The following CIZ1 variants were observed in gnomAD, a reference collection of about 807,000 sequenced individuals.
CIZ1 encodes CDKN1A interacting zinc finger protein 1, also known as cip1-interacting zinc finger protein.
A neutral mutation model predicts 118.6 loss-of-function variants in CIZ1; 58 were observed. The ratio of observed to expected loss-of-function variants is 0.49; its 90% CI spans 0.40 to 0.61. The LOEUF is 0.61. CIZ1 is among the 20% of genes least tolerant of loss of function. The pLI, the probability that CIZ1 is intolerant of heterozygous loss-of-function variation, is 0.00. For synonymous variants in CIZ1, 448 were observed against 443.4 expected (o/e 1.01, Z -0.13); for missense variants, 921 against 1,115.9 (o/e 0.83, Z 2.49).
intron 11 of CIZ1, among the ~76,000 whole-genome samples, chr9:128,171,826 C>A (rs1472704769): frequency 1.3e-5 from 2 of 151,842 alleles, no homozygotes; most frequent in African/African-American, 2.4e-5. Context: ...ATCATTGCAA[C>A]ATATAACATC....
At chr9:128,189,945 G>C (rs907583263) in intron 3 of CIZ1, among the ~76,000 whole-genome samples, 1 of 149,806 alleles carries the variant, frequency 6.7e-6, no homozygotes, top group Non-Finnish European at 1.5e-5. Flanking sequence ...CAGGGCTAGA[G>C]ACAACCACTC....
At chr9:128,193,779 G>A (rs904523801), upstream of CIZ1, among the ~76,000 whole-genome samples, 7 of 152,198 alleles carry the variant, frequency 4.6e-5, no homozygotes, top group African/African-American at 1.7e-4. Flanking sequence ...GGGTGCTAGC[G>A]TTGGAGAGGT....
intron 11 of CIZ1, among the ~76,000 whole-genome samples, chr9:128,173,745 A>ACG (rs1171938554): frequency 1.4e-4 from 22 of 151,974 alleles, no homozygotes; most frequent in South Asian, 4.2e-4. Flanking sequence ...GGTGGCTTGC[A>ACG]CCTGTAATCC....
chr9:128,194,292 C>T (rs560271340), upstream of CIZ1, among the ~76,000 whole-genome samples: 3 of 146,904 alleles, frequency 2.0e-5, no homozygotes, highest in East Asian at 6.1e-4. Flanking sequence ...AACCTGGGAG[C>T]CGGAGGTTGC....
intron 11 of CIZ1, among the ~76,000 whole-genome samples, chr9:128,173,213 T>C (rs964767524): frequency 2.7e-5 from 4 of 148,968 alleles, no homozygotes; most frequent in Admixed American, 1.3e-4. Flanking sequence ...GGCGCGATCT[T>C]GGCTTACTGC....
Position 128,203,414 on chromosome 9 carries a change from T to A in CIZ1, c.-6+772A>T, listed in dbSNP as rs1833605924. ...CGCGGCTGCAGCGGCGGAGCCGGAGTCGGAGCCGGGAGCGCTAGCGGCAGC... is the reference window on the plus strand; with the variant it reads ...CGCGGCTGCAGCGGCGGAGCCGGAGACGGAGCCGGGAGCGCTAGCGGCAGC... On this transcript the variant is annotated intron_variant, in intron 1 of 17. Transcript: ENST00000372948. This position sits in a 1 kb window ranked among gnomAD's most constrained non-coding sequence, Gnocchi z 5.3. 10 of 1,361,348 alleles carry A rather than the reference T, an allele frequency of 7.3e-6. No individual in the cohort carries two copies. Among genetic ancestry groups the A allele is most frequent in the Non-Finnish European group, 9.5e-7 (1 of 1,054,768 alleles). The allele number at this position is 1,361,348 out of a possible 1,614,324, so 84.3% of individuals were successfully genotyped here. A position where few individuals can be genotyped will look rare whatever the true frequency, so the allele number is the denominator to read the frequency against.
chr9:128,168,447 T>C (rs565609820), intron 14 of CIZ1, among the ~76,000 whole-genome samples: 4 of 142,520 alleles, frequency 2.8e-5, no homozygotes, highest in African/African-American at 8.0e-5. Flanking sequence ...ACCCAGGAGG[T>C]GGAGGTTTCA....
intron 11 of CIZ1, among the ~76,000 whole-genome samples, chr9:128,172,166 A>C (rs1438814684): frequency 6.7e-6 from 1 of 149,840 alleles, no homozygotes; most frequent in African/African-American, 2.4e-5. Flanking sequence ...AAAAAAAAAA[A>C]AAAAAAAAAA....
At chr9:128,181,322 G>C (rs902591521) in intron 5 of CIZ1, among the ~76,000 whole-genome samples, 1 of 152,148 alleles carries the variant, frequency 6.6e-6, no homozygotes, top group Admixed American at 6.5e-5. Context: ...CACTATGTTG[G>C]CCACGCTGGT....
intron 1 of CIZ1, chr9:128,197,464 T>C (rs537167977): frequency 1.3e-5 from 2 of 152,242 alleles, no homozygotes; most frequent in African/African-American, 4.8e-5. Flanking sequence ...CATAAGACCA[T>C]ATGCTTATCA....
At chr9:128,202,463 C>T (rs1295434224) in intron 1 of CIZ1, among the ~76,000 whole-genome samples, 1 of 152,216 alleles carries the variant, frequency 6.6e-6, no homozygotes, top group African/African-American at 2.4e-5. Flanking sequence ...GGAGCAAAGA[C>T]TTCCACTCTC....
rs963396230 is a variant in CIZ1, at chr9:128,167,319, G to A, written c.2296-155C>T. 4 of 604,836 alleles carry A rather than the reference G, an allele frequency of 6.6e-6. No homozygotes were observed. The Admixed American group carries it at 9.5e-5, about 14-fold the overall frequency. The allele number at this position is 604,836 out of a possible 1,614,324, so 37.5% of individuals were successfully genotyped here. On this transcript the variant is annotated intron_variant, in intron 14 of 16. Transcript: ENST00000372938. Reference sequence around the variant, plus strand: ...TGGCATTCTCTGAGCCTTTGCACATGGTGATCCTGCCTCCCAGAGTGCTCT... The same window carrying A: ...TGGCATTCTCTGAGCCTTTGCACATAGTGATCCTGCCTCCCAGAGTGCTCT...
chr9:128,177,927 A>T (rs999827201), intron 9 of CIZ1, among the ~76,000 whole-genome samples, 164 bp from the exon 10 acceptor site: 1 of 152,212 alleles, frequency 6.6e-6, no homozygotes, highest in Non-Finnish European at 1.5e-5. Context: ...GCTAGAAAGC[A>T]CTGCAGTCAG....
In CIZ1 at chr9:128,166,441, C is replaced by T. The variant is rs370138543; in HGVS notation, c.2488-35G>A. Reference sequence around the variant, plus strand: ...GAAGGTGCAGGTAAGGTCAGGGTCTCCTCCCTACATGGTATGCTCCTGGCC... The same window carrying T: ...GAAGGTGCAGGTAAGGTCAGGGTCTTCTCCCTACATGGTATGCTCCTGGCC... On this transcript the variant is annotated intron_variant, in intron 16 of 16. Transcript: ENST00000372938. The surrounding 1 kb of genome is among the most constrained non-coding windows in gnomAD (Gnocchi z 4.4). 3.6e-5 allele frequency: 53 copies of T among 1,452,266 alleles called. No homozygotes were observed. The highest frequency in any genetic ancestry group is 4.7e-5 in the Non-Finnish European group (51 of 1,076,148). 90.0% of individuals were successfully genotyped at this position (1,452,266 alleles called of 1,614,324 possible).
At chr9:128,182,392 C>T (rs1475642025) in intron 5 of CIZ1, among the ~76,000 whole-genome samples, 6 of 152,178 alleles carry the variant, frequency 3.9e-5, no homozygotes, top group African/African-American at 7.2e-5. Flanking sequence ...CTGCCCGCCT[C>T]GGCCTCCCAA....
At chr9:128,173,950 G>A (rs1003448849) in intron 11 of CIZ1, among the ~76,000 whole-genome samples, 1 of 151,932 alleles carries the variant, frequency 6.6e-6, no homozygotes, top group Non-Finnish European at 1.5e-5. Flanking sequence ...AGCTTGCAGT[G>A]AGCCGAGATC....
chr9:128,181,786 C>T (rs941532802), intron 5 of CIZ1, among the ~76,000 whole-genome samples: 1 of 145,612 alleles, frequency 6.9e-6, no homozygotes, highest in Non-Finnish European at 1.5e-5. Context: ...GGGGGTCTCC[C>T]TTTCCCCGAG....
In CIZ1 at chr9:128,203,558, G is replaced by A. The variant is rs756572497; in HGVS notation, c.-6+628C>T. 1.4e-5 allele frequency: 21 copies of A among 1,549,044 alleles called. No homozygotes were observed. The South Asian group carries it at 2.4e-4, about 17-fold the overall frequency. ...TGCCATCGGCCAGAACGCGGACCTC[G>A]ACCTGCCGCAGATCGCTGTGGTGGG... is the stretch of plus-strand genomic sequence containing the variant. On this transcript the variant is annotated intron_variant, in intron 1 of 17. Coordinates refer to the CIZ1 transcript ENST00000372948. This position sits in a 1 kb window ranked among gnomAD's most constrained non-coding sequence, Gnocchi z 5.3.
At position 128,166,872 on chromosome 9, in the gene CIZ1, A is replaced by G. The variant is rs1202402733; in HGVS notation, c.2374T>C (p.Phe792Leu). 1 of 1,614,236 alleles carries G rather than the reference A, an allele frequency of 6.2e-7. No homozygotes were observed. The highest frequency in any genetic ancestry group is 1.7e-5 in the Admixed American group (1 of 60,034). Reference sequence around the variant, plus strand: ...ATATAGCCCATCACGGGCACCAGGAAGTCCACACCTGTAGGATGGGATGGC... The same window carrying G: ...ATATAGCCCATCACGGGCACCAGGAGGTCCACACCTGTAGGATGGGATGGC... ...YSPNTAYGVD[F>L]LVPVMGYICR... The change falls in exon 16 of 17, where the codon TTC becomes CTC. Residue 792 changes from phenylalanine (F) to leucine (L), a missense_variant. Physicochemically the swap from Phe to Leu is conservative, Grantham distance 22. Coordinates refer to ENST00000372938, the MANE Select transcript of CIZ1 (RefSeq NM_001131016.2). This position sits in a 1 kb window ranked among gnomAD's most constrained non-coding sequence, Gnocchi z 4.4.
Sources: gnomAD v4.1 joint callset for allele counts (sites outside exome capture counted in the v4.1 genomes callset) on GRCh38, gnomAD v4.1.1 for gene constraint, Gnocchi (gnomAD v3.1) non-coding constraint, MANE v1.5 for transcripts, NCBI Gene and HGNC (gene_info 2026-07-23, HGNC 2026-07-21) for gene names.